Variants in PDHX observed in about 807,000 individuals in gnomAD.
PDHX encodes pyruvate dehydrogenase complex component X.
In PDHX, 33 loss-of-function variants were observed where a neutral mutation model predicts 55.3. The observed-to-expected ratio is 0.60, with a 90% CI of 0.45 to 0.80. PDHX has a LOEUF of 0.80. PDHX is among the 30% of genes least tolerant of loss of function. The pLI, the probability that PDHX is intolerant of heterozygous loss-of-function variation, is 0.00. For synonymous variants in PDHX, 226 were observed against 219.4 expected (o/e 1.03, Z -0.27); for missense variants, 622 against 619.9 (o/e 1.00, Z -0.04).
chr11:34,930,408 A>G (rs1487433026), intron 1 of PDHX, among the ~76,000 whole-genome samples: 1 of 152,374 alleles, frequency 6.6e-6, no homozygotes, highest in East Asian at 1.9e-4. Context: ...ATTTAACATT[A>G]GTGCTCAATT....
At chr11:34,936,806 C>T (rs2915196) in intron 2 of PDHX, among the ~76,000 whole-genome samples, 71,515 of 91,938 alleles carry the variant, frequency 0.78, 26,799 homozygotes, top group Non-Finnish European at 0.81. Flanking sequence ...TTTTTTTTTT[C>T]TGAGACAGAG....
intron 7 of PDHX, among the ~76,000 whole-genome samples, chr11:34,974,509 A>C (rs896787049): frequency 2.6e-5 from 4 of 152,098 alleles, no homozygotes; most frequent in Non-Finnish European, 5.9e-5. Flanking sequence ...TCTGTTTTCA[A>C]ATATTTTAGG....
intron 1 of PDHX, among the ~76,000 whole-genome samples, chr11:34,922,780 A>T (rs1302312658): frequency 7.5e-6 from 1 of 132,842 alleles, no homozygotes; most frequent in Admixed American, 7.9e-5. Context: ...TTCTAAGGTG[A>T]TGTACTCTTA....
At chr11:34,951,099 C>T (rs1204396660) in intron 3 of PDHX, among the ~76,000 whole-genome samples, 1 of 144,280 alleles carries the variant, frequency 6.9e-6, no homozygotes, top group Non-Finnish European at 1.5e-5. Flanking sequence ...CTCTTTGGCC[C>T]AGGTGGGAGT....
At position 34,925,283 on chromosome 11, in the gene PDHX, T is replaced by C. The variant is rs556971349; in HGVS notation, c.161-6121T>C. Among the ~76,000 whole-genome samples the C allele has an allele frequency of 5.9e-5, 9 of 152,190 alleles. 1 individual carries two copies. The highest frequency in any genetic ancestry group is 1.3e-4 in the Non-Finnish European group (9 of 68,026). ...GAGAAAACAAGCTTCAGTCTTCTGTTGAATGAGGGTAGGGTTGTTACCTAC... is the reference window on the plus strand; with the variant it reads ...GAGAAAACAAGCTTCAGTCTTCTGTCGAATGAGGGTAGGGTTGTTACCTAC... On this transcript the variant is annotated intron_variant, in intron 1 of 10. Coordinates refer to ENST00000227868, the MANE Select transcript of PDHX (RefSeq NM_003477.3).
rs1855841043 is a variant in PDHX, at chr11:34,995,463, A to G, written c.*291A>G. The G allele has an allele frequency of 5.3e-6, 2 of 378,182 alleles. No individual in the cohort carries two copies. The highest frequency in any genetic ancestry group is 1.0e-5 in the Non-Finnish European group (2 of 199,708). The allele number at this position is 378,182 out of a possible 1,614,324, so 23.4% of individuals were successfully genotyped here. On this transcript the variant is annotated 3_prime_UTR_variant, in exon 11 of 11. Coordinates refer to ENST00000227868, the MANE Select transcript of PDHX (RefSeq NM_003477.3). ...GGGAATATTAAACTAGATGTAAATC[A>G]AAGTATATGTTTGGCTCATTTGAGC...
chr11:34,993,046 T>C (rs1203360120), intron 10 of PDHX, among the ~76,000 whole-genome samples: 1 of 152,130 alleles, frequency 6.6e-6, no homozygotes, highest in African/African-American at 2.4e-5. Context: ...GGGTGTGTAG[T>C]GGTACTCTTT....
intron 1 of PDHX, among the ~76,000 whole-genome samples, chr11:34,922,920 G>T (rs189059049): frequency 1.4e-3 from 209 of 149,738 alleles, no homozygotes; most frequent in Middle Eastern, 3.5e-3. Flanking sequence ...TTGCTAGGCT[G>T]TAAATGGAAT....
chr11:34,977,923 T>A (rs1855413992), intron 7 of PDHX: 3 of 604,742 alleles, frequency 5.0e-6, no homozygotes, highest in Non-Finnish European at 9.3e-6. Flanking sequence ...CTTACATTCA[T>A]GGTTAATATT....
intron 2 of PDHX, among the ~76,000 whole-genome samples, chr11:34,940,119 C>G (rs1391645030): frequency 6.6e-6 from 1 of 151,640 alleles, no homozygotes; most frequent in Non-Finnish European, 1.5e-5. Context: ...TGTTTTTTTT[C>G]CTCAGAATAT....
chr11:34,950,554 T>G (rs940016134), intron 3 of PDHX, among the ~76,000 whole-genome samples: 3 of 131,430 alleles, frequency 2.3e-5, no homozygotes, highest in Admixed American at 8.5e-5. Flanking sequence ...GTCCCCAGAG[T>G]GTGATGTTCC....
intron 2 of PDHX, among the ~76,000 whole-genome samples, chr11:34,943,680 C>T (rs1052168887): frequency 3.9e-5 from 6 of 152,158 alleles, no homozygotes; most frequent in East Asian, 3.8e-4. Flanking sequence ...CCTAATCTCT[C>T]GTCACTTCTC....
At chr11:34,983,315 T>C (rs10742332) in intron 8 of PDHX, among the ~76,000 whole-genome samples, 91,098 of 152,016 alleles carry the variant, frequency 0.6, 28,835 homozygotes, top group East Asian at 0.75. Flanking sequence ...ACAGCTGATA[T>C]CATACTGAAT....
chr11:34,952,246 A>G (rs575188488), intron 3 of PDHX, among the ~76,000 whole-genome samples: 3 of 152,190 alleles, frequency 2.0e-5, no homozygotes, highest in East Asian at 1.9e-4. Flanking sequence ...TTCACAGCCA[A>G]ATTCTACCAG....
At chr11:34,935,602 C>T (rs6484747) in intron 2 of PDHX, among the ~76,000 whole-genome samples, 6,910 of 152,170 alleles carry the variant, frequency 0.045, 498 homozygotes, top group African/African-American at 0.16. Flanking sequence ...TTTCTCTGTG[C>T]TTGATTCATT....
At chr11:34,970,103 T>C (rs1047047275) in intron 6 of PDHX, 36 bp from the exon 7 acceptor site, 6 of 1,600,330 alleles carry the variant, frequency 3.7e-6, no homozygotes, top group Non-Finnish European at 5.1e-6. Flanking sequence ...TCTATTCCAC[T>C]TGTGGTTTAA....
At chr11:34,961,625 C>T (rs748560387) in intron 5 of PDHX, among the ~76,000 whole-genome samples, 7 of 152,170 alleles carry the variant, frequency 4.6e-5, no homozygotes, top group Non-Finnish European at 1.0e-4. Flanking sequence ...TTATTTTACT[C>T]TTCATGAAAG....
intron 5 of PDHX, among the ~76,000 whole-genome samples, chr11:34,962,622 C>A (rs1000617666): frequency 6.6e-6 from 1 of 151,988 alleles, no homozygotes; most frequent in Non-Finnish European, 1.5e-5. Context: ...TAATTGAGAT[C>A]ATCAATAGGG....
intron 1 of PDHX, among the ~76,000 whole-genome samples, chr11:34,918,268 T>C (rs1853786613): frequency 7.1e-6 from 1 of 141,414 alleles, no homozygotes; most frequent in East Asian, 2.3e-4. Context: ...GAGACCCCCG[T>C]CTCTACTTAA....
Sources: gnomAD v4.1 joint callset for allele counts (sites outside exome capture counted in the v4.1 genomes callset) on GRCh38, gnomAD v4.1.1 for gene constraint, MANE v1.5 for transcripts, NCBI Gene and HGNC (gene_info 2026-07-23, HGNC 2026-07-21) for gene names.